PIN4: variants seen among roughly 807,000 people sequenced by gnomAD.
PIN4 encodes peptidylprolyl cis/trans isomerase, NIMA-interacting 4, also known as peptidyl-prolyl cis-trans isomerase NIMA-interacting 4.
Under a neutral mutation model 8.3 loss-of-function variants are expected in PIN4, and 3 were observed. That is an observed-to-expected ratio of 0.36 (90% confidence interval 0.16 to 0.93). The LOEUF (loss-of-function observed/expected upper bound fraction) is 0.93. Ranked by LOEUF, PIN4 falls within the 40% of genes least tolerant of loss-of-function variation. PIN4 has a pLI of 0.44. For synonymous variants in PIN4, 18 were observed against 32.5 expected (o/e 0.55, Z 1.52); for missense variants, 75 against 100.6 (o/e 0.75, Z 1.09).
At chrX:72,252,681 C>T (rs750604227) in intron 3 of PIN4, among the ~76,000 whole-genome samples, 8 of 111,893 alleles carry the variant, frequency 7.1e-5, no homozygotes, top group East Asian at 2.8e-4. Flanking sequence ...TGAGCCACCG[C>T]GCCCGGTCCC....
intron 3 of PIN4, among the ~76,000 whole-genome samples, chrX:72,250,073 A>G (rs2043080820): frequency 9.2e-6 from 1 of 108,830 alleles, no homozygotes; most frequent in Admixed American, 1.0e-4. Context: ...AGTCCCTCTC[A>G]GCCTCCTGTG....
downstream of PIN4, among the ~76,000 whole-genome samples, chrX:72,199,932 G>A (rs1246725113): frequency 1.8e-5 from 2 of 111,960 alleles, no homozygotes; most frequent in East Asian, 2.8e-4. Flanking sequence ...TTGGGAGGCC[G>A]AGGTGGGTGG....
chrX:72,226,465 C>T lies in PIN4; in HGVS notation c.312+29561C>T, dbSNP rs748244660. On this transcript the variant is annotated intron_variant, in intron 3 of 3. Transcript: ENST00000423432. ...AAAGTACACAAGTTAACATATACACCGATTCTAAATATGCCTATAACACCA... is the reference window on the plus strand; with the variant it reads ...AAAGTACACAAGTTAACATATACACTGATTCTAAATATGCCTATAACACCA... Among the ~76,000 whole-genome samples, 3 of 112,135 alleles carry T rather than the reference C, an allele frequency of 2.7e-5. No individual in the cohort carries two copies. The East Asian group carries it at 8.4e-4, about 31-fold the overall frequency.
At chrX:72,194,229 G>A (rs1318531556) in intron 2 of PIN4, among the ~76,000 whole-genome samples, 3 of 109,009 alleles carry the variant, frequency 2.8e-5, no homozygotes, top group Admixed American at 9.8e-5. Flanking sequence ...GTGAAACCCC[G>A]TCTCTACAAA....
intron 3 of PIN4, among the ~76,000 whole-genome samples, chrX:72,215,552 T>C (rs1388691350): frequency 1.8e-5 from 2 of 111,744 alleles, no homozygotes; most frequent in East Asian, 2.8e-4. Flanking sequence ...AAAGTGAGTA[T>C]AGTAAAATGT....
chrX:72,258,850 G>C (rs1371774020), intron 3 of PIN4, among the ~76,000 whole-genome samples: 1 of 111,054 alleles, frequency 9.0e-6, no homozygotes, highest in Non-Finnish European at 1.9e-5. Flanking sequence ...CTTGTCCCCT[G>C]CACCCCCTAC....
chrX:72,189,314 A>T (rs1439093946), intron 2 of PIN4, among the ~76,000 whole-genome samples: 2 of 111,331 alleles, frequency 1.8e-5, no homozygotes, highest in African/African-American at 3.3e-5. Flanking sequence ...CACTACAAGG[A>T]TCCCTCCTCT....
At position 72,218,269 on chromosome X, in the gene PIN4, CA is replaced by C. The variant is rs762377624; in HGVS notation, c.312+21381del. On this transcript the variant is annotated intron_variant, in intron 3 of 3. Transcript: ENST00000423432. ...TGGGCGACAGAGCGAGACTCTGTCT[CA>C]AAAAAAAAAAAAAAATTAATAATAG... 8.5e-3 allele frequency among the ~76,000 whole-genome samples: 521 copies of C among 61,196 alleles called. 2 individuals are homozygous for C. The highest frequency in any genetic ancestry group is 0.024 in the African/African-American group (391 of 16,405). 53.1% of individuals were successfully genotyped at this position (61,196 alleles called of 115,157 possible).
intron 3 of PIN4, among the ~76,000 whole-genome samples, chrX:72,210,547 CCTGAAACCCCT>C (rs2056414564): frequency 9.0e-6 from 1 of 111,428 alleles, no homozygotes; most frequent in African/African-American, 3.3e-5. Flanking sequence ...TACCCAGTAT[CCTGAAACCCCT>C]ATGAAACCTG....
downstream of PIN4, among the ~76,000 whole-genome samples, chrX:72,199,502 C>T (rs941885864): frequency 1.8e-5 from 2 of 111,937 alleles, no homozygotes; most frequent in East Asian, 2.8e-4. Context: ...TATGCTACTA[C>T]ACTCCAGCCT....
chrX:72,217,894 T>A (rs1169663088), intron 3 of PIN4, among the ~76,000 whole-genome samples: 2 of 112,012 alleles, frequency 1.8e-5, no homozygotes, highest in Non-Finnish European at 3.8e-5. Context: ...CACACTGTCT[T>A]GACTACTGTA....
At chrX:72,239,750 T>G (rs1190672742) in intron 3 of PIN4, among the ~76,000 whole-genome samples, 1 of 70,646 alleles carries the variant, frequency 1.4e-5, no homozygotes. Flanking sequence ...CCAGCCTGGG[T>G]GGCAAAGCGA....
intron 3 of PIN4, among the ~76,000 whole-genome samples, chrX:72,242,694 C>G (rs1347632818): frequency 2.7e-5 from 3 of 112,708 alleles, no homozygotes; most frequent in Non-Finnish European, 5.6e-5. Context: ...TCCCATTCCC[C>G]CAGCGTCTCT....
upstream of PIN4, chrX:72,181,754 A>T: frequency 8.4e-7 from 1 of 1,189,555 alleles, no homozygotes; most frequent in Non-Finnish European, 1.1e-6. Context: ...CGGCAACTGG[A>T]GCGGTTCAGC....
chrX:72,193,513 T>C (rs2042746937), intron 2 of PIN4, among the ~76,000 whole-genome samples: 1 of 110,480 alleles, frequency 9.1e-6, no homozygotes, highest in Non-Finnish European at 1.9e-5. Context: ...CTAGTGTGTG[T>C]ATTTGTGTCT....
intron 3 of PIN4, among the ~76,000 whole-genome samples, chrX:72,212,904 C>T (rs1329909475): frequency 9.0e-6 from 1 of 111,516 alleles, no homozygotes; most frequent in Non-Finnish European, 1.9e-5. Context: ...GATCGTGTCA[C>T]CACTGCACTC....
chrX:72,198,457 G>A (rs200890062), downstream of PIN4: 2 of 289,240 alleles, frequency 6.9e-6, no homozygotes, highest in East Asian at 4.5e-4. Context: ...TTTCCCACTT[G>A]AGAAGAGTTT....
At chrX:72,208,705 A>G (rs749489871) in intron 3 of PIN4, 3 of 1,131,158 alleles carry the variant, frequency 2.7e-6, no homozygotes, top group South Asian at 2.1e-5. Flanking sequence ...ATATCTATAG[A>G]AAAAAAAAGA....
intron 3 of PIN4, among the ~76,000 whole-genome samples, chrX:72,218,818 T>G (rs1243568377): frequency 8.9e-6 from 1 of 112,873 alleles, no homozygotes. Flanking sequence ...ATTACATCTT[T>G]CAATCCATAA....
Sources: gnomAD v4.1 joint callset for allele counts (sites outside exome capture counted in the v4.1 genomes callset) on GRCh38, gnomAD v4.1.1 for gene constraint, MANE v1.5 for transcripts, NCBI Gene and HGNC (gene_info 2026-07-23, HGNC 2026-07-21) for gene names.